Variants in HSPA12A observed in about 807,000 individuals in gnomAD.
The protein encoded by HSPA12A is heat shock protein family A (Hsp70) member 12A, also known as heat shock 70 kDa protein 12A.
A neutral mutation model predicts 69.2 loss-of-function variants in HSPA12A; 28 were observed. The observed-to-expected ratio is 0.40, with a 90% CI of 0.30 to 0.55. The LOEUF (loss-of-function observed/expected upper bound fraction) is 0.55. HSPA12A is among the 20% of genes least tolerant of loss of function. The pLI, the probability that HSPA12A is intolerant of heterozygous loss-of-function variation, is 0.38. For synonymous variants in HSPA12A, 345 were observed against 370.5 expected, an observed-to-expected ratio of 0.93 and a Z score of 0.79; for missense variants, 686 against 900.7, an observed-to-expected ratio of 0.76 and a Z score of 3.05.
intron 2 of HSPA12A, chr10:116,751,243 C>T: frequency 4.7e-6 from 1 of 212,872 alleles, no homozygotes; most frequent in African/African-American, 2.3e-5. Flanking sequence ...CCTCAGAGTT[C>T]AGGATCAGGC....
chr10:116,679,522 G>A lies in HSPA12A; in HGVS notation c.1267C>T (p.His423Tyr). The change falls in exon 10 of 12, where the codon CAC (histidine) becomes TAC (tyrosine). Residue 423 changes from histidine (H) to tyrosine (Y), a missense_variant. Transcript: ENST00000369209. ...YKKFRGHSVE[H>Y]ALRKSNVDFV... ...ACTCACTTGCTTTTCCGCAAGGCGT[G>A]CTCCACACTGTGCCCGCGGAACTTC... 6.2e-7 allele frequency: 1 copy of A among 1,614,018 alleles called. No homozygotes were observed. Among genetic ancestry groups the A allele is most frequent in the East Asian group, 2.2e-5 (1 of 44,886 alleles).
chr10:116,679,586 C>T lies in HSPA12A; in HGVS notation c.1203G>A (p.Leu401=), dbSNP rs782026978. The change falls in exon 10 of 12, where the codon CTG becomes CTA. Residue 401 remains leucine, a synonymous_variant. Transcript: ENST00000369209. Reference sequence around the variant, plus strand: ...TGAAGGAGAAGGGCAGGGTGATGTTCAGCGGGTTAGTTCTGTCTGGGGCAG... The same window carrying T: ...TGAAGGAGAAGGGCAGGGTGATGTTTAGCGGGTTAGTTCTGTCTGGGGCAG... ...RAAAPDRTNP[L]NITLPFSFID... is the part of the protein sequence containing the mutation. 2 of 1,614,254 alleles carry T rather than the reference C, an allele frequency of 1.2e-6. No homozygotes were observed. Among genetic ancestry groups the T allele is most frequent in the Non-Finnish European group, 1.7e-6 (2 of 1,180,048 alleles).
intron 2 of HSPA12A, among the ~76,000 whole-genome samples, chr10:116,755,457 C>T (rs1228081843): frequency 6.6e-6 from 1 of 151,460 alleles, no homozygotes; most frequent in Non-Finnish European, 1.5e-5. Flanking sequence ...ACTAAAAATA[C>T]AAAAACTAGC....
chr10:116,681,154 G>C lies in HSPA12A; in HGVS notation c.1025C>G (p.Thr342Arg). The C allele has an allele frequency of 6.2e-7, 1 of 1,611,356 alleles. No homozygotes were observed. Among genetic ancestry groups the C allele is most frequent in the East Asian group, 2.2e-5 (1 of 44,860 alleles). The change falls in exon 9 of 12, where the codon ACA (threonine) becomes AGA (arginine). Residue 342 changes from threonine (T) to arginine (R), a missense_variant and splice_region_variant. Physicochemically the swap from Thr to Arg is moderately conservative, Grantham distance 71 (BLOSUM62 -1). Coordinates refer to ENST00000369209, the MANE Select transcript of HSPA12A (RefSeq NM_025015.3). ...EGHLKELYKA[T>R]GGPYGSLGVD... ...AAATTAGCCCTGCAGGGCCTCACCT[G>C]TTGCTTTATACAGTTCCTTAAGGTG... is the stretch of plus-strand genomic sequence containing the variant.
rs782136682 is a variant in HSPA12A at position 116,676,518 on chromosome 10, A to T, written c.1287-16T>A. On this transcript the variant is annotated splice_polypyrimidine_tract_variant and intron_variant, in intron 10 of 11. Transcript: ENST00000369209. ...AAAATCCACACTGCAGGAGCATAGC[A>T]TGGAGAAGAGCAGGCAGTGAGGGTC... is the stretch of plus-strand genomic sequence containing the variant. 1 of 1,599,468 alleles carries T rather than the reference A, an allele frequency of 6.3e-7. No homozygotes were observed. The highest frequency in any genetic ancestry group is 8.6e-7 in the Non-Finnish European group (1 of 1,167,414).
intron 2 of HSPA12A, among the ~76,000 whole-genome samples, chr10:116,762,561 G>A (rs900078994): frequency 3.3e-5 from 5 of 151,788 alleles, no homozygotes; most frequent in Admixed American, 2.0e-4. Context: ...CCTCTTTCTC[G>A]CCTTAGAAAC....
At position 116,675,366 on chromosome 10, in the gene HSPA12A, C is replaced by T; in HGVS notation, c.1443G>A (p.Val481=). 1 of 1,610,762 alleles carries T rather than the reference C, an allele frequency of 6.2e-7. No homozygotes were observed. Among genetic ancestry groups the T allele is most frequent in the South Asian group, 1.1e-5 (1 of 90,620 alleles). ...EVSTVKFLFL[V]GGFAEAPLLQ... ...GCAGGGGCGCCTCGGCAAAGCCGCC[C>T]ACCAGAAAGAGGAACTTGACGGTGG... The change falls in exon 12 of 12, where the codon GTG becomes GTA. Residue 481 remains valine, a synonymous_variant. Transcript: ENST00000369209. The surrounding 1 kb of genome is among the most constrained non-coding windows in gnomAD (Gnocchi z 5.2).
intron 1 of HSPA12A, among the ~76,000 whole-genome samples, chr10:116,709,281 T>A (rs1554882818): frequency 1.3e-5 from 2 of 152,068 alleles, no homozygotes; most frequent in Non-Finnish European, 2.9e-5. Context: ...ACTCCATCTC[T>A]ACTTAAAAAT....
At chr10:116,705,392 C>T (rs1316392026) in intron 2 of HSPA12A, 114 bp from the exon 3 acceptor site, 1 of 1,235,576 alleles carries the variant, frequency 8.1e-7, no homozygotes, top group East Asian at 2.3e-5. Flanking sequence ...GACAGAAAGA[C>T]ATTCTATATT....
At chr10:116,707,336 G>A in intron 1 of HSPA12A, 51 bp from the exon 2 acceptor site, 21 of 1,429,408 alleles carry the variant, frequency 1.5e-5, no homozygotes, top group South Asian at 2.4e-5. Context: ...GACTGACCCA[G>A]GGGGAAGAAA....
intron 1 of HSPA12A, among the ~76,000 whole-genome samples, chr10:116,733,144 T>C (rs1554886041): frequency 6.6e-6 from 1 of 152,190 alleles, no homozygotes; most frequent in Non-Finnish European, 1.5e-5. Flanking sequence ...TTTCTGAAAC[T>C]TTCATCTGTC....
At chr10:116,690,011 T>C (rs1455686532) in intron 6 of HSPA12A, among the ~76,000 whole-genome samples, 2 of 152,224 alleles carry the variant, frequency 1.3e-5, no homozygotes, top group Admixed American at 6.5e-5. Context: ...ACTGACTAAA[T>C]ATCTGGCATC....
intron 2 of HSPA12A, among the ~76,000 whole-genome samples, chr10:116,798,488 A>T (rs1443474839): frequency 1.3e-5 from 2 of 152,192 alleles, no homozygotes; most frequent in East Asian, 3.9e-4. Flanking sequence ...AGTGAGTTTC[A>T]GTAGCATAGC....
intron 2 of HSPA12A, among the ~76,000 whole-genome samples, chr10:116,825,049 G>A (rs1845477073): frequency 6.6e-6 from 1 of 151,862 alleles, no homozygotes; most frequent in African/African-American, 2.4e-5. Flanking sequence ...TTAACCGGGT[G>A]TGGTGGTGCA....
At chr10:116,729,292 T>A (rs147869606) in intron 1 of HSPA12A, among the ~76,000 whole-genome samples, 5 of 152,200 alleles carry the variant, frequency 3.3e-5, no homozygotes, top group Non-Finnish European at 5.9e-5. Flanking sequence ...GGGTCGACCC[T>A]GAAAGTCCCT....
chr10:116,731,272 G>T (rs1851145031), intron 1 of HSPA12A, among the ~76,000 whole-genome samples: 1 of 152,204 alleles, frequency 6.6e-6, no homozygotes, highest in Non-Finnish European at 1.5e-5. Context: ...AAGCCAAAAA[G>T]GTACCTTTAC....
upstream of HSPA12A, chr10:116,849,867 G>T (rs923526411): frequency 9.7e-5 from 100 of 1,031,154 alleles, no homozygotes; most frequent in Non-Finnish European, 1.4e-4. Flanking sequence ...TGCGTGTGCG[G>T]AGGAGACTTC....
In HSPA12A at chr10:116,742,507, G is replaced by A. The variant is rs1554887357; in HGVS notation, c.-38C>T. The A allele has an allele frequency of 1.6e-5, 20 of 1,267,668 alleles. No individual in the cohort carries two copies. Among genetic ancestry groups the A allele is most frequent in the Non-Finnish European group, 1.9e-5 (19 of 1,006,658 alleles). 78.5% of individuals were successfully genotyped at this position (1,267,668 alleles called of 1,614,324 possible). A position where few individuals can be genotyped will look rare whatever the true frequency, so the allele number is the denominator to read the frequency against. ...CCGGACCGCGAGGGGAGCCTCCAGC[G>A]CAGCGCCCGTGCCCGTGCGGGTCTC... On this transcript the variant is annotated 5_prime_UTR_variant, in exon 1 of 12. Coordinates refer to ENST00000369209, the MANE Select transcript of HSPA12A (RefSeq NM_025015.3).
intron 2 of HSPA12A, among the ~76,000 whole-genome samples, chr10:116,749,631 A>T (rs1460328537): frequency 6.6e-6 from 1 of 152,238 alleles, no homozygotes; most frequent in African/African-American, 2.4e-5. Context: ...TGAACAAATT[A>T]TCAAATTAGA....
Sources: allele counts gnomAD v4.1 joint callset (sites outside exome capture counted in the v4.1 genomes callset), GRCh38; gene constraint gnomAD v4.1.1; non-coding constraint Gnocchi (gnomAD v3.1); transcripts MANE v1.5; gene names NCBI Gene and HGNC (gene_info 2026-07-23, HGNC 2026-07-21).